Variants in WWP1 observed in about 807,000 individuals in gnomAD.
The protein encoded by WWP1 is WW domain containing E3 ubiquitin protein ligase 1, also known as NEDD4-like E3 ubiquitin-protein ligase WWP1.
In WWP1, 49 loss-of-function variants were observed where a neutral mutation model predicts 130.6. That is an observed-to-expected ratio of 0.38 (90% CI 0.30 to 0.48). The LOEUF (loss-of-function observed/expected upper bound fraction) is 0.48. Ranked by LOEUF, WWP1 falls within the 20% of genes least tolerant of loss-of-function variation. The probability of loss-of-function intolerance (pLI) is 0.99; values close to 1 mark genes in which losing one functional copy is unlikely to be tolerated. For missense variants in WWP1, 809 were observed against 1,100.6 expected (o/e 0.74, Z 3.75); for synonymous variants, 332 against 367.8 (o/e 0.90, Z 1.11).
rs1808030476 is a variant in WWP1, at chr8:86,402,221, T to C, written c.724+18T>C. 2 of 1,609,286 alleles carry C rather than the reference T, an allele frequency of 1.2e-6. No individual in the cohort carries two copies. The highest frequency in any genetic ancestry group is 2.7e-5 in the African/African-American group (2 of 74,680). On this transcript the variant is annotated intron_variant, in intron 8 of 24. Coordinates refer to ENST00000517970, the MANE Select transcript of WWP1 (RefSeq NM_007013.4). ...TGACACTGGTAAGCAAGGCTATTTA[T>C]GACACCTTGTTTAAAGGAAAAGTAA... is the stretch of plus-strand genomic sequence containing the variant.
chr8:86,344,232 C>G (rs186365590), intron 1 of WWP1, among the ~76,000 whole-genome samples: 330 of 152,262 alleles, frequency 2.2e-3, no homozygotes, highest in African/African-American at 7.6e-3. Context: ...TGGAATAGTT[C>G]TTTGGGACAT....
At chr8:86,400,714 A>G (rs1465286374) in intron 7 of WWP1, among the ~76,000 whole-genome samples, 1 of 152,252 alleles carries the variant, frequency 6.6e-6, no homozygotes, top group Non-Finnish European at 1.5e-5. Flanking sequence ...ATAATTTGTA[A>G]TAAACATTTG....
chr8:86,468,243 A>G lies in WWP1; in HGVS notation c.*1350A>G. The stretch of plus-strand genomic sequence containing the variant: ...TGTTGCCTATAAATATTTCACTGCT[A>G]AGTACATACAGAAAAACAGTAATTA... On this transcript the variant is annotated 3_prime_UTR_variant, in exon 25 of 25. Coordinates refer to ENST00000517970, the MANE Select transcript of WWP1 (RefSeq NM_007013.4). The G allele has an allele frequency of 2.8e-6, 1 of 350,890 alleles. No homozygotes were observed. The highest frequency in any genetic ancestry group is 5.4e-6 in the Non-Finnish European group (1 of 184,262). 21.7% of individuals were successfully genotyped at this position (350,890 alleles called of 1,614,324 possible).
At chr8:86,366,781 A>C (rs1221155303) in intron 1 of WWP1, among the ~76,000 whole-genome samples, 1 of 152,168 alleles carries the variant, frequency 6.6e-6, no homozygotes, top group Non-Finnish European at 1.5e-5. Flanking sequence ...TTAAAACCTG[A>C]TGCTCCTGAG....
intron 8 of WWP1, among the ~76,000 whole-genome samples, chr8:86,407,254 T>C (rs1808333764): frequency 6.6e-6 from 1 of 152,196 alleles, no homozygotes; most frequent in African/African-American, 2.4e-5. Context: ...TTCCTTTCCT[T>C]CTTTTTTCGG....
At chr8:86,419,497 A>G (rs1181929291) in intron 9 of WWP1, among the ~76,000 whole-genome samples, 2 of 152,198 alleles carry the variant, frequency 1.3e-5, no homozygotes, top group South Asian at 2.1e-4. Flanking sequence ...CAAGAACCCA[A>G]TGCTATAAAA....
chr8:86,362,017 TACACATATATATACAC>T (rs1563465268), intron 1 of WWP1, among the ~76,000 whole-genome samples: 1 of 139,684 alleles, frequency 7.2e-6, no homozygotes, highest in Non-Finnish European at 1.5e-5. Flanking sequence ...CATATATATA[TACACATATATATACAC>T]ACACATATAT....
intron 1 of WWP1, among the ~76,000 whole-genome samples, chr8:86,362,369 T>C (rs766425908): frequency 2.6e-5 from 4 of 151,222 alleles, no homozygotes; most frequent in Admixed American, 6.6e-5. Flanking sequence ...TCAGTGTTTA[T>C]TGAGTGATTG....
intron 24 of WWP1, among the ~76,000 whole-genome samples, chr8:86,466,054 T>C (rs1027424720): frequency 6.6e-6 from 1 of 152,202 alleles, no homozygotes; most frequent in African/African-American, 2.4e-5. Flanking sequence ...CTCAGGGCTA[T>C]CTCACTAGTC....
intron 1 of WWP1, among the ~76,000 whole-genome samples, chr8:86,351,703 T>TA (rs1419668492): frequency 1.2e-4 from 19 of 152,240 alleles, no homozygotes; most frequent in East Asian, 1.2e-3. Flanking sequence ...GCTGGCAATA[T>TA]ATCAGCTAGT....
At chr8:86,344,760 ATC>A (rs34939686) in intron 1 of WWP1, among the ~76,000 whole-genome samples, 22,030 of 152,116 alleles carry the variant, frequency 0.14, 1,756 homozygotes, top group Non-Finnish European at 0.19. Context: ...GCAGAGAGGT[ATC>A]TCTAAGAGAG....
rs758374166 is a variant in WWP1, at chr8:86,409,550, C to T, written c.725-1988C>T. On this transcript the variant is annotated intron_variant, in intron 8 of 24. Transcript: ENST00000517970. ...TGCCCAGCCCTGATTTTACTTTATTCTTGATCTTAATAGAAGTTCTTACAA... is the reference window on the plus strand; with the variant it reads ...TGCCCAGCCCTGATTTTACTTTATTTTTGATCTTAATAGAAGTTCTTACAA... Among the ~76,000 whole-genome samples, 402 of 147,320 alleles carry T rather than the reference C, an allele frequency of 2.7e-3. 3 individuals are homozygous for T. Among genetic ancestry groups the T allele is most frequent in the Middle Eastern group, 0.014 (4 of 292 alleles).
chr8:86,415,407 C>T (rs566311303), intron 9 of WWP1, among the ~76,000 whole-genome samples: 1 of 152,294 alleles, frequency 6.6e-6, no homozygotes, highest in African/African-American at 2.4e-5. Context: ...TATCTCATCT[C>T]TTCATCTCTT....
chr8:86,345,791 A>G (rs894118990), intron 1 of WWP1, among the ~76,000 whole-genome samples: 1 of 152,152 alleles, frequency 6.6e-6, no homozygotes, highest in African/African-American at 2.4e-5. Context: ...GATATGCTGT[A>G]TATATACAGA....
At chr8:86,450,146 C>A (rs1336919421) in intron 20 of WWP1, among the ~76,000 whole-genome samples, 1 of 152,112 alleles carries the variant, frequency 6.6e-6, no homozygotes, top group Non-Finnish European at 1.5e-5. Flanking sequence ...ATTGCTATGG[C>A]CTTTCAAATT....
intron 3 of WWP1, among the ~76,000 whole-genome samples, chr8:86,380,249 CA>C (rs975499505): frequency 6.6e-6 from 1 of 150,742 alleles, no homozygotes; most frequent in South Asian, 2.1e-4. Context: ...AAGCCAGTCA[CA>C]AAAAAAACCC....
At chr8:86,384,976 A>G (rs1423090883) in intron 5 of WWP1, among the ~76,000 whole-genome samples, 1 of 151,450 alleles carries the variant, frequency 6.6e-6, no homozygotes, top group Non-Finnish European at 1.5e-5. Flanking sequence ...GTGAGCCAAG[A>G]TTATACCACT....
At chr8:86,372,213 G>A (rs1045154380) in intron 2 of WWP1, among the ~76,000 whole-genome samples, 6 of 150,990 alleles carry the variant, frequency 4.0e-5, no homozygotes, top group South Asian at 2.1e-4. Flanking sequence ...TAGTAGAGAC[G>A]GGGTTTCACC....
intron 20 of WWP1, 118 bp from the exon 21 acceptor site, chr8:86,452,441 A>G (rs933223321): frequency 6.5e-5 from 54 of 835,016 alleles, no homozygotes; most frequent in Non-Finnish European, 9.2e-5. Flanking sequence ...TCACATTTAT[A>G]TGTTTATATA....
Sources: gnomAD v4.1 joint callset for allele counts (sites outside exome capture counted in the v4.1 genomes callset) on GRCh38, gnomAD v4.1.1 for gene constraint, MANE v1.5 for transcripts, NCBI Gene and HGNC (gene_info 2026-07-23, HGNC 2026-07-21) for gene names.